The following HIP1 variants were observed in gnomAD, a reference collection of about 807,000 sequenced individuals.
The protein encoded by HIP1 is huntingtin-interacting protein 1.
In HIP1, 65 loss-of-function variants were observed where a neutral mutation model predicts 147.6. The observed-to-expected ratio is 0.44, with a 90% CI of 0.36 to 0.54. The LOEUF is 0.54. Among genes scored for constraint, HIP1 ranks in the 20% least tolerant of loss-of-function variants. The pLI is 0.00. For synonymous variants in HIP1, 479 were observed against 504.0 expected (o/e 0.95, Z 0.67); for missense variants, 1,061 against 1,299.6 (o/e 0.82, Z 2.82).
At chr7:75,554,604 G>C in intron 19 of HIP1, 78 bp from the exon 20 acceptor site, 1 of 1,040,700 alleles carries the variant, frequency 9.6e-7, no homozygotes, top group Non-Finnish European at 1.5e-6. Context: ...GCACTGAATG[G>C]AGGAGCTTAC....
chr7:75,620,687 A>AAAACAAAC (rs1186253910), intron 1 of HIP1, among the ~76,000 whole-genome samples: 1 of 152,088 alleles, frequency 6.6e-6, no homozygotes. Flanking sequence ...CTCTGTCTCA[A>AAAACAAAC]AAACAAACAA....
At chr7:75,625,463 A>G (rs10236433) in intron 1 of HIP1, 11,534 of 152,380 alleles carry the variant, frequency 0.076, 557 homozygotes, top group African/African-American at 0.13. Flanking sequence ...AGGCTTAAGG[A>G]TTGGTGATGG....
chr7:75,579,138 T>C (rs1329820137), intron 7 of HIP1, among the ~76,000 whole-genome samples: 11 of 150,200 alleles, frequency 7.3e-5, no homozygotes, highest in African/African-American at 2.7e-4. Context: ...TTTTAAAAAA[T>C]AAATGCATCT....
chr7:75,607,995 G>A (rs1235135715), intron 1 of HIP1, among the ~76,000 whole-genome samples: 1 of 152,190 alleles, frequency 6.6e-6, no homozygotes, highest in East Asian at 1.9e-4. Flanking sequence ...GTGACTCAAA[G>A]CAGCACTTGT....
At chr7:75,617,638 G>A (rs1175976239) in intron 1 of HIP1, among the ~76,000 whole-genome samples, 3 of 152,162 alleles carry the variant, frequency 2.0e-5, no homozygotes. Context: ...GCTTTCAAAG[G>A]GGCCTGGAAT....
chr7:75,635,999 T>C (rs1435496810), intron 1 of HIP1, among the ~76,000 whole-genome samples: 6 of 125,054 alleles, frequency 4.8e-5, no homozygotes, highest in Admixed American at 4.0e-4. Context: ...CACTCCAGCC[T>C]GGGCAACAGA....
chr7:75,561,270 A>G, intron 13 of HIP1, 59 bp downstream of exon 13: 1 of 1,217,410 alleles, frequency 8.2e-7, no homozygotes, highest in Non-Finnish European at 1.2e-6. Context: ...ATGCAAATTT[A>G]ACATTCAAAT....
intron 4 of HIP1, among the ~76,000 whole-genome samples, chr7:75,590,823 C>T (rs1423749238): frequency 6.6e-6 from 1 of 152,196 alleles, no homozygotes; most frequent in Non-Finnish European, 1.5e-5. Context: ...GGACAACTCT[C>T]AACTTTGTTC....
chr7:75,734,378 C>G (rs898232316), intron 1 of HIP1, among the ~76,000 whole-genome samples: 1 of 151,860 alleles, frequency 6.6e-6, no homozygotes, highest in Non-Finnish European at 1.5e-5. Flanking sequence ...CCCAGGAGTC[C>G]CAGGCAAAAC....
intron 1 of HIP1, among the ~76,000 whole-genome samples, chr7:75,649,674 T>C (rs1798910359): frequency 6.6e-6 from 1 of 152,130 alleles, no homozygotes; most frequent in Non-Finnish European, 1.5e-5. Flanking sequence ...GGCTGTGATG[T>C]GTAGCCAAGA....
At chr7:75,551,861 C>A (rs1405375795) in intron 22 of HIP1, among the ~76,000 whole-genome samples, 1 of 152,028 alleles carries the variant, frequency 6.6e-6, no homozygotes, top group African/African-American at 2.4e-5. Flanking sequence ...TCTGGAACTC[C>A]AATTAGACAG....
At position 75,561,922 on chromosome 7, in the gene HIP1, C is replaced by T. The variant is rs1250103328; in HGVS notation, c.1118+151G>A. ...TCATCCTCCCCACATGTTGGGATTA[C>T]AGGCATAAGCCATTGCCCCCAACCC... On this transcript the variant is annotated intron_variant, in intron 12 of 30. Coordinates refer to ENST00000336926, the MANE Select transcript of HIP1 (RefSeq NM_005338.7). 7 of 593,376 alleles carry T rather than the reference C, an allele frequency of 1.2e-5. No individual in the cohort carries two copies. In the Admixed American group the frequency reaches 1.3e-4, roughly 11 times the overall value. The allele number at this position is 593,376 out of a possible 1,614,324, so 36.8% of individuals were successfully genotyped here.
At chr7:75,612,975 G>A (rs1797500515) in intron 1 of HIP1, among the ~76,000 whole-genome samples, 1 of 152,014 alleles carries the variant, frequency 6.6e-6, no homozygotes, top group Non-Finnish European at 1.5e-5. Flanking sequence ...ATGGTGGCAG[G>A]TGCCTGTAAT....
intron 7 of HIP1, 29 bp downstream of exon 7, chr7:75,581,208 C>G: frequency 6.4e-7 from 1 of 1,568,408 alleles, no homozygotes; most frequent in East Asian, 2.2e-5. Context: ...CCATGAGAGC[C>G]TGGGTTAGAC....
intron 8 of HIP1, among the ~76,000 whole-genome samples, chr7:75,573,210 A>G (rs1795711687): frequency 6.6e-6 from 1 of 152,196 alleles, no homozygotes; most frequent in South Asian, 2.1e-4. Context: ...GACCAGCTAC[A>G]GAGAGGAGCT....
At chr7:75,607,461 T>C (rs1467361649) in intron 1 of HIP1, among the ~76,000 whole-genome samples, 1 of 147,898 alleles carries the variant, frequency 6.8e-6, no homozygotes, top group Non-Finnish European at 1.5e-5. Flanking sequence ...ATTCCTGACC[T>C]CAGGTGATCC....
chr7:75,725,584 C>T (rs1371544111), intron 1 of HIP1, among the ~76,000 whole-genome samples: 22 of 152,118 alleles, frequency 1.4e-4, no homozygotes, highest in African/African-American at 3.6e-4. Flanking sequence ...TTGAAGTATA[C>T]AGAAAATGTC....
At position 75,586,065 on chromosome 7, in the gene HIP1, C is replaced by T. The variant is rs587742055; in HGVS notation, c.465+688G>A. 4.8e-3 allele frequency among the ~76,000 whole-genome samples: 728 copies of T among 152,094 alleles called. 7 individuals carry two copies. The highest frequency in any genetic ancestry group is 0.017 in the African/African-American group (697 of 41,448). ...CTGGTCTTAAGCGATCCTCCAGCCTCGACCTCCCATAATGCTCAGATTACA... is the reference window on the plus strand; with the variant it reads ...CTGGTCTTAAGCGATCCTCCAGCCTTGACCTCCCATAATGCTCAGATTACA... On this transcript the variant is annotated intron_variant, in intron 5 of 30. Transcript: ENST00000336926.
intron 1 of HIP1, among the ~76,000 whole-genome samples, chr7:75,610,160 C>T (rs1211152335): frequency 6.6e-6 from 1 of 151,130 alleles, no homozygotes; most frequent in Non-Finnish European, 1.5e-5. Flanking sequence ...GTCTCAGTTT[C>T]CCAAAGTGCT....
Sources: gnomAD v4.1 joint callset for allele counts (sites outside exome capture counted in the v4.1 genomes callset) on GRCh38, gnomAD v4.1.1 for gene constraint, MANE v1.5 for transcripts, NCBI Gene and HGNC (gene_info 2026-07-23, HGNC 2026-07-21) for gene names.